The following ABCA13 variants were observed in gnomAD, a reference collection of about 807,000 sequenced individuals.
The protein encoded by ABCA13 is ATP binding cassette subfamily A member 13.
Under a neutral mutation model 478.7 loss-of-function variants are expected in ABCA13, and 476 were observed. The observed-to-expected ratio is 0.99, with a 90% CI of 0.92 to 1.07. The LOEUF (loss-of-function observed/expected upper bound fraction) is 1.07, where lower values mean the gene tolerates loss of function less well. ABCA13 is among the 50% of genes least tolerant of loss of function. ABCA13 has a pLI of 0.00. For synonymous variants in ABCA13, 2,252 were observed against 2,158.9 expected (o/e 1.04, Z -1.20); for missense variants, 6,060 against 5,910.6 (o/e 1.03, Z -0.83).
At chr7:48,611,393 A>G (rs892901011) in intron 58 of ABCA13, among the ~76,000 whole-genome samples, 16 of 152,128 alleles carry the variant, frequency 1.1e-4, no homozygotes, top group African/African-American at 3.6e-4. Context: ...ATTTTCAGGT[A>G]TCTTTATTGC....
At chr7:48,477,281 C>T (rs1484678344) in intron 45 of ABCA13, among the ~76,000 whole-genome samples, 1 of 152,140 alleles carries the variant, frequency 6.6e-6, no homozygotes, top group African/African-American at 2.4e-5. Context: ...AACACTTTTA[C>T]ACTGTTGGTG....
Position 48,335,430 on chromosome 7 carries a change from C to T in ABCA13, c.10008C>T (p.Tyr3336=), listed in dbSNP as rs1223602080. The T allele has an allele frequency of 2.5e-6, 4 of 1,602,728 alleles. No individual in the cohort carries two copies. Among genetic ancestry groups the T allele is most frequent in the Middle Eastern group, 1.7e-4 (1 of 6,020 alleles). Reference sequence around the variant, plus strand: ...TATGCTTCATTTTGCAGGCTAATTACACCTTTTATATTGTGGACAAACTAA... The same window carrying T: ...TATGCTTCATTTTGCAGGCTAATTATACCTTTTATATTGTGGACAAACTAA... ...EINKVIQKAN[Y]TFYIVDKLKT... Residue 3336 remains tyrosine, a synonymous_variant, in exon 28 of 62, where the codon TAC becomes TAT. Transcript: ENST00000435803.
At chr7:48,394,612 A>G (rs1191683028) in intron 38 of ABCA13, among the ~76,000 whole-genome samples, 1 of 152,200 alleles carries the variant, frequency 6.6e-6, no homozygotes, top group Non-Finnish European at 1.5e-5. Flanking sequence ...CCTTGACTAC[A>G]GGGACGTAGT....
chr7:48,588,959 C>A (rs971264169), intron 57 of ABCA13, among the ~76,000 whole-genome samples: 1 of 152,134 alleles, frequency 6.6e-6, no homozygotes, highest in African/African-American at 2.4e-5. Flanking sequence ...ATAACTAATA[C>A]ACATATATTG....
chr7:48,181,992 C>A (rs1389110359), intron 1 of ABCA13, among the ~76,000 whole-genome samples: 1 of 152,130 alleles, frequency 6.6e-6, no homozygotes, highest in Non-Finnish European at 1.5e-5. Context: ...TCTTGGCCAA[C>A]TCCAGGGTCC....
chr7:48,432,899 A>G (rs1408408969), intron 42 of ABCA13, among the ~76,000 whole-genome samples: 1 of 152,062 alleles, frequency 6.6e-6, no homozygotes, highest in Admixed American at 6.6e-5. Context: ...GATCTATTGT[A>G]CAACATGGTG....
intron 55 of ABCA13, among the ~76,000 whole-genome samples, chr7:48,569,173 A>G (rs1787369050): frequency 1.3e-5 from 2 of 151,646 alleles, no homozygotes; most frequent in Non-Finnish European, 2.9e-5. Context: ...AGTTTGCTTT[A>G]GTTTTTCTAA....
intron 1 of ABCA13, among the ~76,000 whole-genome samples, chr7:48,187,807 G>A (rs1020069468): frequency 6.6e-6 from 1 of 151,698 alleles, no homozygotes; most frequent in East Asian, 1.9e-4. Context: ...CCTTATTAAA[G>A]TGTTCTTCTT....
intron 43 of ABCA13, among the ~76,000 whole-genome samples, chr7:48,457,025 T>G (rs1205098620): frequency 6.6e-6 from 1 of 152,104 alleles, no homozygotes; most frequent in Non-Finnish European, 1.5e-5. Flanking sequence ...AACAAATATT[T>G]ATGGTGTACT....
At chr7:48,173,581 T>C (rs774526432) in intron 1 of ABCA13, among the ~76,000 whole-genome samples, 1 of 152,222 alleles carries the variant, frequency 6.6e-6, no homozygotes, top group Non-Finnish European at 1.5e-5. Context: ...TTGGGATATA[T>C]CCTATAGATG....
At chr7:48,339,951 A>C (rs1806875073) in intron 29 of ABCA13, among the ~76,000 whole-genome samples, 1 of 151,870 alleles carries the variant, frequency 6.6e-6, no homozygotes, top group South Asian at 2.1e-4. Context: ...TACTGCATGC[A>C]CCCTTTTAAA....
chr7:48,287,381 A>G (rs1208966253), intron 19 of ABCA13, among the ~76,000 whole-genome samples: 1 of 152,192 alleles, frequency 6.6e-6, no homozygotes, highest in Non-Finnish European at 1.5e-5. Flanking sequence ...AGAGCACAGC[A>G]GTTTCCTGGG....
rs1213506338 is a variant in ABCA13, at chr7:48,307,760, GA to G, written c.9322-2186del. On this transcript the variant is annotated intron_variant, in intron 23 of 61. Transcript: ENST00000435803. ...CAGTGGCACAATCTCGGCTCACTGT[GA>G]GCTCCACCTCCTTGGTTCAAGCAAT... Among the ~76,000 whole-genome samples the G allele has an allele frequency of 2.0e-5, 3 of 151,902 alleles. No individual in the cohort carries two copies. In the East Asian group the frequency reaches 5.8e-4, roughly 29 times the overall value.
chr7:48,258,943 C>T (rs1374071934), intron 15 of ABCA13, among the ~76,000 whole-genome samples: 5 of 148,978 alleles, frequency 3.4e-5, no homozygotes, highest in African/African-American at 7.4e-5. Context: ...GCATTAGTTC[C>T]TATTTTTATT....
At chr7:48,416,636 T>A (rs1368655) in intron 41 of ABCA13, among the ~76,000 whole-genome samples, 2 of 151,740 alleles carry the variant, frequency 1.3e-5, no homozygotes, top group Non-Finnish European at 2.9e-5. Flanking sequence ...CCTGGGAGGA[T>A]CCCCAGTCGG....
At chr7:48,240,608 C>T (rs377170815) in intron 9 of ABCA13, among the ~76,000 whole-genome samples, 3 of 152,138 alleles carry the variant, frequency 2.0e-5, no homozygotes, top group Admixed American at 2.0e-4. Context: ...ATTCCCTTCT[C>T]TCTTTTTCTC....
intron 41 of ABCA13, among the ~76,000 whole-genome samples, chr7:48,419,543 CGTAACAT>C (rs565809809): frequency 0.14 from 20,584 of 151,900 alleles, 1,729 homozygotes; most frequent in South Asian, 0.22. Flanking sequence ...AATTCTTCCA[CGTAACAT>C]GCCTCTGCAA....
chr7:48,276,198 G>C lies in ABCA13; in HGVS notation c.6532G>C (p.Ala2178Pro). ...GGGCTCTTTAAAAAATATATCTAGA[G>C]CAGGCAATTTTGATGTTGCCTTTCT... ...FWGSLKNISR[A>P]GNFDVAFLTH... The change falls in exon 17 of 62, where the codon GCA becomes CCA. Residue 2178 changes from alanine (A) to proline (P), a missense_variant. By Grantham distance (27) the Ala-to-Pro change is conservative. Transcript: ENST00000435803. 1 of 1,590,314 alleles carries C rather than the reference G, an allele frequency of 6.3e-7. No individual in the cohort carries two copies. Among genetic ancestry groups the C allele is most frequent in the Non-Finnish European group, 8.6e-7 (1 of 1,167,754 alleles).
chr7:48,442,327 T>A (rs1280756680), intron 42 of ABCA13, among the ~76,000 whole-genome samples: 1 of 152,152 alleles, frequency 6.6e-6, no homozygotes, highest in African/African-American at 2.4e-5. Context: ...CACAGTTATT[T>A]TCTAAACCTC....
Sources: allele counts gnomAD v4.1 joint callset (sites outside exome capture counted in the v4.1 genomes callset), GRCh38; gene constraint gnomAD v4.1.1; transcripts MANE v1.5; gene names NCBI Gene and HGNC (gene_info 2026-07-23, HGNC 2026-07-21).